Variants in GPR83 observed in about 807,000 individuals in gnomAD.
GPR83 encodes G-protein coupled receptor 72.
GPR83 carries 23 observed loss-of-function variants against 28.0 expected under a neutral mutation model. The ratio of observed to expected loss-of-function variants is 0.82; its 90% CI spans 0.59 to 1.16. The LOEUF (loss-of-function observed/expected upper bound fraction) is 1.16. Ranked by LOEUF, GPR83 falls within the 50% of genes most tolerant of loss-of-function variation. GPR83 has a pLI of 0.00. For missense variants in GPR83, 610 were observed against 536.6 expected (o/e 1.14, Z -1.35); for synonymous variants, 234 against 215.4 (o/e 1.09, Z -0.76).
rs1236709520 is a variant in GPR83, at chr11:94,378,314, CTCTT to C, written c.*1831_*1834del. ...ACAGCCAAGAGGTCTAAGTGACAAACTCTTTCTCCCTCAAACCTTAGTTTCCTAC... is the reference window on the plus strand; with the variant it reads ...ACAGCCAAGAGGTCTAAGTGACAAACTCTCCCTCAAACCTTAGTTTCCTAC... On this transcript the variant is annotated 3_prime_UTR_variant, in exon 4 of 4. Transcript: ENST00000243673. 3.9e-5 allele frequency: 6 copies of C among 152,208 alleles called. No individual in the cohort carries two copies. The highest frequency in any genetic ancestry group is 1.4e-4 in the African/African-American group (6 of 41,446). 9.4% of individuals were successfully genotyped at this position (152,208 alleles called of 1,614,324 possible).
At chr11:94,386,106 T>C (rs1380286292) in intron 3 of GPR83, among the ~76,000 whole-genome samples, 7 of 152,134 alleles carry the variant, frequency 4.6e-5, no homozygotes, top group Non-Finnish European at 8.8e-5. Context: ...CTAAGCTTCA[T>C]AAGTGAAGGA....
intron 1 of GPR83, among the ~76,000 whole-genome samples, 156 bp from the exon 2 acceptor site, chr11:94,396,680 C>T (rs1486328764): frequency 6.6e-6 from 1 of 152,128 alleles, no homozygotes; most frequent in African/African-American, 2.4e-5. Context: ...ATGATTTTCT[C>T]CAGCACAACT....
chr11:94,388,597 C>T (rs1266292245), intron 3 of GPR83, among the ~76,000 whole-genome samples: 2 of 152,084 alleles, frequency 1.3e-5, no homozygotes, highest in Non-Finnish European at 2.9e-5. Flanking sequence ...AATAAAATAC[C>T]TAGGAATCCA....
At chr11:94,393,399 T>C (rs1944836325) in intron 3 of GPR83, 86 bp downstream of exon 3, 1 of 1,270,156 alleles carries the variant, frequency 7.9e-7, no homozygotes, top group Non-Finnish European at 1.1e-6. Context: ...AGTTGTGAGC[T>C]CCTGGGGGCC....
rs1944692922 is a variant in GPR83, at chr11:94,381,767, T to G, written c.648-994A>C. 2.0e-5 allele frequency among the ~76,000 whole-genome samples: 3 copies of G among 152,078 alleles called. No individual in the cohort carries two copies. In the South Asian group the frequency reaches 6.2e-4, roughly 32 times the overall value. On this transcript the variant is annotated intron_variant, in intron 3 of 3. Transcript: ENST00000243673. ...CTACAGCCATAATTGGTCGGGAGTT[T>G]CCAATTTTCCTAGGAAAGACCTGTA...
intron 3 of GPR83, among the ~76,000 whole-genome samples, chr11:94,382,226 C>A (rs1201372916): frequency 1.3e-5 from 2 of 151,564 alleles, no homozygotes; most frequent in African/African-American, 4.9e-5. Flanking sequence ...GTGGCACATG[C>A]CTATAATCCC....
rs1162720057 is a variant in GPR83, at chr11:94,380,586, G to C, written c.835C>G (p.Gln279Glu). Residue 279 changes from glutamine (Q) to glutamate (E), a missense_variant, in exon 4 of 4, where the codon CAG (glutamine) becomes GAG (glutamate). Physicochemically the swap from Gln to Glu is conservative, Grantham distance 29. Coordinates refer to ENST00000243673, the MANE Select transcript of GPR83 (RefSeq NM_016540.4). Reference protein sequence around the residue: ...CNMIGDVTTEQYFALRRKKKK... With the variant: ...CNMIGDVTTEEYFALRRKKKK... Reference sequence around the variant, plus strand: ...TTTTTGCGCCGCAGGGCAAAGTACTGCTCTGTGGTCACATCGCCAATCATA... The same window carrying C: ...TTTTTGCGCCGCAGGGCAAAGTACTCCTCTGTGGTCACATCGCCAATCATA... 1 of 1,614,020 alleles carries C rather than the reference G, an allele frequency of 6.2e-7. No individual in the cohort carries two copies. Among genetic ancestry groups the C allele is most frequent in the African/African-American group, 1.3e-5 (1 of 74,918 alleles).
In GPR83 at chr11:94,380,682, G is replaced by T. The variant is rs745308394; in HGVS notation, c.739C>A (p.Leu247Ile). ...ATGATGAGGAGGGGCAGGATGTAGA[G>T]CAGGATGAAGGTGGCCAAGTCCAGG... ...KYLDLATFIL[L>I]YILPLLIISV... is the part of the protein sequence containing the mutation. The change falls in exon 4 of 4, where the codon CTC becomes ATC. Residue 247 changes from leucine (L) to isoleucine (I), a missense_variant. Physicochemically the swap from Leu to Ile is conservative, Grantham distance 5. Transcript: ENST00000243673. The T allele has an allele frequency of 1.2e-5, 19 of 1,613,812 alleles. No individual in the cohort carries two copies. The South Asian group carries it at 1.5e-4, about 13-fold the overall frequency.
At chr11:94,394,990 G>A (rs1944852643) in intron 2 of GPR83, among the ~76,000 whole-genome samples, 1 of 152,158 alleles carries the variant, frequency 6.6e-6, no homozygotes, top group Admixed American at 6.5e-5. Context: ...TTAAATTAAG[G>A]GAGATGGTTA....
intron 1 of GPR83, 42 bp from the exon 2 acceptor site, chr11:94,396,566 G>A (rs1350248455): frequency 6.2e-7 from 1 of 1,603,386 alleles, no homozygotes; most frequent in South Asian, 1.1e-5. Flanking sequence ...GACAGGCCTT[G>A]ACTTTGACAC....
At chr11:94,384,621 A>G (rs1944729325) in intron 3 of GPR83, among the ~76,000 whole-genome samples, 1 of 152,102 alleles carries the variant, frequency 6.6e-6, no homozygotes, top group Non-Finnish European at 1.5e-5. Context: ...CGGCACCTGG[A>G]AAATCAGGTC....
intron 3 of GPR83, among the ~76,000 whole-genome samples, chr11:94,386,475 A>C (rs770447876): frequency 7.2e-5 from 11 of 152,090 alleles, no homozygotes; most frequent in Non-Finnish European, 2.9e-5. Flanking sequence ...AGAGACACAT[A>C]TGGGCTCAAA....
rs754279496 is a variant in GPR83 at position 94,396,504 on chromosome 11, T to C, written c.408A>G (p.Thr136=). Reference sequence around the variant, plus strand: ...GGCACATGCCCTTCCCAAATATCCATGTGCTGTTCACAAAGCGAACCTGGA... The same window carrying C: ...GGCACATGCCCTTCCCAAATATCCACGTGCTGTTCACAAAGCGAACCTGGA... The part of the protein sequence containing the change: ...PFTLVRFVNS[T]WIFGKGMCHV... The change falls in exon 2 of 4, where the codon ACA becomes ACG. Residue 136 remains threonine (T), a synonymous_variant. Transcript: ENST00000243673. The C allele has an allele frequency of 1.2e-5, 20 of 1,613,898 alleles. No individual in the cohort carries two copies. The highest frequency in any genetic ancestry group is 2.7e-5 in the African/African-American group (2 of 74,930).
At chr11:94,380,977 A>G (rs1357204619) in intron 3 of GPR83, among the ~76,000 whole-genome samples, 2 of 152,184 alleles carry the variant, frequency 1.3e-5, no homozygotes, top group Admixed American at 1.3e-4. Flanking sequence ...AGAGGTAAAT[A>G]ATACACCTGA....
chr11:94,389,703 T>C (rs1259687669), intron 3 of GPR83, among the ~76,000 whole-genome samples: 1 of 152,134 alleles, frequency 6.6e-6, no homozygotes, highest in Non-Finnish European at 1.5e-5. Flanking sequence ...GAAATAGGAA[T>C]ACTTTGACAC....
chr11:94,380,685 G>A lies in GPR83; in HGVS notation c.736C>T (p.Leu246=). Residue 246 remains leucine, a synonymous_variant, in exon 4 of 4, where the codon CTG becomes TTG. Coordinates refer to ENST00000243673, the MANE Select transcript of GPR83 (RefSeq NM_016540.4). ...ATGAGGAGGGGCAGGATGTAGAGCA[G>A]GATGAAGGTGGCCAAGTCCAGGTAC... ...WKYLDLATFI[L]LYILPLLIIS... is the part of the protein sequence containing the mutation. The A allele has an allele frequency of 1.2e-6, 2 of 1,613,716 alleles. No homozygotes were observed. The highest frequency in any genetic ancestry group is 1.7e-6 in the Non-Finnish European group (2 of 1,180,000).
At chr11:94,397,195 G>A (rs1434772446) in intron 1 of GPR83, among the ~76,000 whole-genome samples, 1 of 152,136 alleles carries the variant, frequency 6.6e-6, no homozygotes, top group Non-Finnish European at 1.5e-5. Flanking sequence ...GGGGAGAGAA[G>A]ACAAGCTCCC....
chr11:94,385,265 A>T (rs1212311104), intron 3 of GPR83, among the ~76,000 whole-genome samples: 2 of 152,192 alleles, frequency 1.3e-5, no homozygotes. Flanking sequence ...GAGGAGAAAA[A>T]CTGAAAATTC....
In GPR83 at chr11:94,380,374, G is replaced by A. The variant is rs149915008; in HGVS notation, c.1047C>T (p.Asn349=). The part of the protein sequence containing the change: ...CYNPFIYCWL[N]ENFRIELKAL... The stretch of plus-strand genomic sequence containing the variant: ...CCTTTAGCTCAATCCTGAAGTTCTC[G>A]TTCAGCCAGCAGTATATGAAGGGGT... The change falls in exon 4 of 4, where the codon AAC becomes AAT. Residue 349 remains asparagine (N), a synonymous_variant. Transcript: ENST00000243673. 9.3e-5 allele frequency: 150 copies of A among 1,613,950 alleles called. No homozygotes were observed. The highest frequency in any genetic ancestry group is 1.1e-4 in the Non-Finnish European group (135 of 1,179,976).
Sources: allele counts gnomAD v4.1 joint callset (sites outside exome capture counted in the v4.1 genomes callset), GRCh38; gene constraint gnomAD v4.1.1; transcripts MANE v1.5; gene names NCBI Gene and HGNC (gene_info 2026-07-23, HGNC 2026-07-21).